CELSR3: variants seen among roughly 807,000 people sequenced by gnomAD.
CELSR3 encodes cadherin EGF LAG seven-pass G-type receptor 3.
In CELSR3, 73 loss-of-function variants were observed where a neutral mutation model predicts 270.0. That is an observed-to-expected ratio of 0.27 (90% CI 0.22 to 0.33). The LOEUF is 0.33. Ranked by LOEUF, CELSR3 falls within the 10% of genes least tolerant of loss-of-function variation. The probability of loss-of-function intolerance (pLI) is 1.00; values close to 1 mark genes in which losing one functional copy is unlikely to be tolerated. For missense variants in CELSR3, 3,614 were observed against 4,533.8 expected (o/e 0.80, Z 5.83); for synonymous variants, 1,780 against 1,905.4 (o/e 0.93, Z 1.71).
chr3:48,660,780 G>T lies in CELSR3; in HGVS notation c.1855C>A (p.Arg619Ser), dbSNP rs776080561. Residue 619 changes from arginine (R) to serine (S), a missense_variant, in exon 1 of 35, where the codon CGC becomes AGC. Arg to Ser is a moderately radical substitution (Grantham distance 110). This residue lies in a region of CELSR3 where 354 missense variants were observed against 500.9 expected (regional missense o/e 0.71). Transcript: ENST00000164024. The surrounding 1 kb of genome is among the most constrained non-coding windows in gnomAD (Gnocchi z 5.5). ...DFEAEREYAL[R>S]IRAQDAGRPP... Reference sequence around the variant, plus strand: ...CGGCCAGCATCCTGCGCCCTGATGCGCAAGGCATACTCTCTCTCTGCCTCG... The same window carrying T: ...CGGCCAGCATCCTGCGCCCTGATGCTCAAGGCATACTCTCTCTCTGCCTCG... 1 of 1,613,960 alleles carries T rather than the reference G, an allele frequency of 6.2e-7. No homozygotes were observed. Among genetic ancestry groups the T allele is most frequent in the Non-Finnish European group, 8.5e-7 (1 of 1,180,032 alleles).
At position 48,642,488 on chromosome 3, in the gene CELSR3, C is replaced by G; in HGVS notation, c.8556-21G>C. 3 of 1,607,106 alleles carry G rather than the reference C, an allele frequency of 1.9e-6. No homozygotes were observed. The highest frequency in any genetic ancestry group is 2.5e-6 in the Non-Finnish European group (3 of 1,176,786). On this transcript the variant is annotated intron_variant, in intron 30 of 34. Coordinates refer to ENST00000164024, the MANE Select transcript of CELSR3 (RefSeq NM_001407.3). The surrounding 1 kb of genome is among the most constrained non-coding windows in gnomAD (Gnocchi z 6.1). ...TGTCCCTGGAAAAGCAGGAGCCCCC[C>G]CACCATGAAAGAGGGATGTGATGGG...
rs1320715022 is a variant in CELSR3 at position 48,650,157 on chromosome 3, C to T, written c.6472+323G>A. 1 of 496,704 alleles carries T rather than the reference C, an allele frequency of 2.0e-6. No homozygotes were observed. Among genetic ancestry groups the T allele is most frequent in the East Asian group, 5.6e-5 (1 of 17,844 alleles). 30.8% of individuals were successfully genotyped at this position (496,704 alleles called of 1,614,324 possible). On this transcript the variant is annotated intron_variant, in intron 16 of 34. Coordinates refer to ENST00000164024, the MANE Select transcript of CELSR3 (RefSeq NM_001407.3). This position sits in a 1 kb window ranked among gnomAD's most constrained non-coding sequence, Gnocchi z 5.1. ...GGGTACTCAGATAGCCAGAAGGGGC[C>T]TGCAGGGACTTTAGGCAGCAGGGAG... is the stretch of plus-strand genomic sequence containing the variant.
Position 48,650,800 on chromosome 3 carries a change from G to A in CELSR3, c.6370+92C>T. 7.1e-7 allele frequency: 1 copy of A among 1,400,886 alleles called. No individual in the cohort carries two copies. 86.8% of individuals were successfully genotyped at this position (1,400,886 alleles called of 1,614,324 possible). ...TGGTCTCCCTCAGGAGAAGCTTCCA[G>A]AGTCCCCAAGGAGCCATGTGTGCCA... On this transcript the variant is annotated intron_variant, in intron 15 of 34. Coordinates refer to ENST00000164024, the MANE Select transcript of CELSR3 (RefSeq NM_001407.3). The surrounding 1 kb of genome is among the most constrained non-coding windows in gnomAD (Gnocchi z 5.1).
chr3:48,652,475 C>T lies in CELSR3; in HGVS notation c.5713G>A (p.Ala1905Thr). 6.2e-7 allele frequency: 1 copy of T among 1,613,890 alleles called. No homozygotes were observed. Among genetic ancestry groups the T allele is most frequent in the South Asian group, 1.1e-5 (1 of 91,082 alleles). The change falls in exon 11 of 35, where the codon GCA (alanine) becomes ACA (threonine). Residue 1905 changes from alanine to threonine, a missense_variant. Physicochemically the swap from Ala to Thr is moderately conservative, Grantham distance 58. Transcript: ENST00000164024. The surrounding 1 kb of genome is among the most constrained non-coding windows in gnomAD (Gnocchi z 4.3). ...ACCAGACCCTGAGGAGCCTCCTCTGCACTGCCGGGGGGCAGGCCTCCCACG... is the reference window on the plus strand; with the variant it reads ...ACCAGACCCTGAGGAGCCTCCTCTGTACTGCCGGGGGGCAGGCCTCCCACG... ...LHVGGLPPGSAEEAPQGLVGC... is the reference protein window; with the variant it reads ...LHVGGLPPGSTEEAPQGLVGC...
At position 48,645,300 on chromosome 3, in the gene CELSR3, A is replaced by G; in HGVS notation, c.7798-91T>C. The G allele has an allele frequency of 2.0e-6, 3 of 1,530,760 alleles. No homozygotes were observed. Among genetic ancestry groups the G allele is most frequent in the Admixed American group, 1.9e-5 (1 of 53,218 alleles). The allele number at this position is 1,530,760 out of a possible 1,614,324, so 94.8% of individuals were successfully genotyped here. Reference sequence around the variant, plus strand: ...TCTGCTTCCCACCTCTCACCCCTAAACCACAATATCTTACCCCAGCATCCT... The same window carrying G: ...TCTGCTTCCCACCTCTCACCCCTAAGCCACAATATCTTACCCCAGCATCCT... On this transcript the variant is annotated intron_variant, in intron 24 of 34. Transcript: ENST00000164024. This position sits in a 1 kb window ranked among gnomAD's most constrained non-coding sequence, Gnocchi z 5.4.
chr3:48,643,790 C>T, intron 27 of CELSR3, 113 bp from the exon 28 acceptor site: 2 of 1,289,866 alleles, frequency 1.6e-6, no homozygotes, highest in Non-Finnish European at 2.1e-6. Flanking sequence ...AAAAAAGGAA[C>T]TCACACGGGA....
In CELSR3 at chr3:48,645,079, C is replaced by T. The variant is rs143560173; in HGVS notation, c.7928G>A (p.Arg2643His). 1.1e-5 allele frequency: 18 copies of T among 1,600,270 alleles called. No individual in the cohort carries two copies. The highest frequency in any genetic ancestry group is 2.2e-5 in the South Asian group (2 of 90,408). The stretch of plus-strand genomic sequence containing the variant: ...GCCCCAGCCCAGGGCATGGTAGAAG[C>T]GCATGGCGCCGCGGTCCACGTTGCG... ...EPRNVDRGAM[R>H]FYHALGWGVP... is the part of the protein sequence containing the mutation. The change falls in exon 25 of 35, where the codon CGC becomes CAC. Residue 2643 changes from arginine to histidine, a missense_variant. Arg to His is a conservative substitution (Grantham distance 29). Around this residue, in one of 7 missense-constraint regions of CELSR3, gnomAD observed 1,240 missense variants for 1,351.7 expected, o/e 0.92. Coordinates refer to ENST00000164024, the MANE Select transcript of CELSR3 (RefSeq NM_001407.3). The surrounding 1 kb of genome is among the most constrained non-coding windows in gnomAD (Gnocchi z 5.4).
rs140878382 is a variant in CELSR3 at position 48,659,715 on chromosome 3, C to A, written c.2920G>T (p.Ala974Ser). 3.4e-4 allele frequency: 547 copies of A among 1,614,226 alleles called. 1 individual carries two copies. Among genetic ancestry groups the A allele is most frequent in the Non-Finnish European group, 4.4e-4 (523 of 1,180,040 alleles). ...SHYTGLVSED[A>S]PPFTSVLQIS... Reference sequence around the variant, plus strand: ...TGCAGGACACTGGTGAAAGGTGGGGCATCCTCAGAGACCAGCCCTGTATAG... The same window carrying A: ...TGCAGGACACTGGTGAAAGGTGGGGAATCCTCAGAGACCAGCCCTGTATAG... Residue 974 changes from alanine (A) to serine (S), a missense_variant, in exon 1 of 35, where the codon GCC (alanine) becomes TCC (serine). By Grantham distance (99) the Ala-to-Ser change is moderately conservative (BLOSUM62 1). Coordinates refer to ENST00000164024, the MANE Select transcript of CELSR3 (RefSeq NM_001407.3). The surrounding 1 kb of genome is among the most constrained non-coding windows in gnomAD (Gnocchi z 8.1).
rs749357915 is a variant in CELSR3 at position 48,647,825 on chromosome 3, C to T, written c.7129+16G>A. On this transcript the variant is annotated intron_variant, in intron 20 of 34. Coordinates refer to ENST00000164024, the MANE Select transcript of CELSR3 (RefSeq NM_001407.3). ...AGAGACAGGACTTGGCCCAGGGGTC[C>T]CCTAGGGGCTCTCACCTTCAGATGG... 6 of 1,605,562 alleles carry T rather than the reference C, an allele frequency of 3.7e-6. No individual in the cohort carries two copies. The highest frequency in any genetic ancestry group is 3.3e-5 in the Admixed American group (2 of 59,870).
At position 48,662,400 on chromosome 3, in the gene CELSR3, C is replaced by G; in HGVS notation, c.235G>C (p.Gly79Arg). 6.2e-7 allele frequency: 1 copy of G among 1,612,900 alleles called. No homozygotes were observed. The highest frequency in any genetic ancestry group is 8.5e-7 in the Non-Finnish European group (1 of 1,179,948). Residue 79 changes from glycine to arginine, a missense_variant, in exon 1 of 35, where the codon GGG (glycine) becomes CGG (arginine). Gly to Arg is a moderately radical substitution (Grantham distance 125). Transcript: ENST00000164024. The surrounding 1 kb of genome is among the most constrained non-coding windows in gnomAD (Gnocchi z 7.1). ...GVREDGGPGL[G>R]VREPIFVGLR... ...CCCACGAAGATAGGCTCCCTGACCC[C>G]CAGGCCAGGCCCCCCATCCTCCCGG...
rs563870524 is a variant in CELSR3 at position 48,640,861 on chromosome 3, C to G, written c.9026-302G>C. 42 of 492,584 alleles carry G rather than the reference C, an allele frequency of 8.5e-5. No homozygotes were observed. Among genetic ancestry groups the G allele is most frequent in the African/African-American group, 7.4e-4 (38 of 51,474 alleles). The allele number at this position is 492,584 out of a possible 1,614,324, so 30.5% of individuals were successfully genotyped here. A position where few individuals can be genotyped will look rare whatever the true frequency, so the allele number is the denominator to read the frequency against. The stretch of plus-strand genomic sequence containing the variant: ...TCAGAAGAGGGGCAGCCCTCAGGTC[C>G]TGACAATGCAGGCCTGGCTGAAATG... On this transcript the variant is annotated intron_variant, in intron 33 of 34. Coordinates refer to ENST00000164024, the MANE Select transcript of CELSR3 (RefSeq NM_001407.3). This position sits in a 1 kb window ranked among gnomAD's most constrained non-coding sequence, Gnocchi z 7.5.
chr3:48,642,156 G>T lies in CELSR3; in HGVS notation c.8666-147C>A. The T allele has an allele frequency of 1.1e-6, 1 of 890,966 alleles. No homozygotes were observed. The highest frequency in any genetic ancestry group is 1.7e-6 in the Non-Finnish European group (1 of 599,542). 55.2% of individuals were successfully genotyped at this position (890,966 alleles called of 1,614,324 possible). On this transcript the variant is annotated intron_variant, in intron 31 of 34. Transcript: ENST00000164024. This position sits in a 1 kb window ranked among gnomAD's most constrained non-coding sequence, Gnocchi z 6.1. ...CTTGAAGTGGAGGTAGCAGCAGAAG[G>T]GCTGGGACTTATCAGAGGGAAGGAC...
Position 48,639,335 on chromosome 3 carries a change from C to CT in CELSR3, c.9911+338dup, listed in dbSNP as rs1024770176. On this transcript the variant is annotated intron_variant, in intron 34 of 34. Transcript: ENST00000164024. The surrounding 1 kb of genome is among the most constrained non-coding windows in gnomAD (Gnocchi z 4.1). ...AGGCCTCCTGCTCTCCTCCCTGCCC[C>CT]TTGCATATTCCAGGTCATCTCCCAC... Among the ~76,000 whole-genome samples, 6 of 152,254 alleles carry CT rather than the reference C, an allele frequency of 3.9e-5. No homozygotes were observed. Among genetic ancestry groups the CT allele is most frequent in the African/African-American group, 1.2e-4 (5 of 41,460 alleles).
Position 48,653,743 on chromosome 3 carries a change from C to T in CELSR3, c.5324G>A (p.Trp1775Ter). The change falls in exon 9 of 35, where the codon TGG becomes TAG. Residue 1775 changes from tryptophan to a stop codon, truncating the protein, a stop_gained. Coordinates refer to ENST00000164024, the MANE Select transcript of CELSR3 (RefSeq NM_001407.3). LOFTEE classifies it high-confidence loss of function. The surrounding 1 kb of genome is among the most constrained non-coding windows in gnomAD (Gnocchi z 6.5). ...CACAGCCATGTCACTTCCAAAGTTC[C>T]AGCTCAGTGTGCCGTTGCCACGGAA... is the stretch of plus-strand genomic sequence containing the variant. ...HHFRGNGTLS[W>*]NFGSDMAVSV... 1 of 1,614,188 alleles carries T rather than the reference C, an allele frequency of 6.2e-7. No individual in the cohort carries two copies. The highest frequency in any genetic ancestry group is 8.5e-7 in the Non-Finnish European group (1 of 1,180,034).
chr3:48,650,220 A>C lies in CELSR3; in HGVS notation c.6472+260T>G. On this transcript the variant is annotated intron_variant, in intron 16 of 34. Transcript: ENST00000164024. The surrounding 1 kb of genome is among the most constrained non-coding windows in gnomAD (Gnocchi z 5.1). ...ACCTCAGGCAGCAGGAGGGGTCTGC[A>C]AAAGCTCTGGTAGTGGGAGGGGGCA... is the stretch of plus-strand genomic sequence containing the variant. The C allele has an allele frequency of 1.7e-6, 1 of 598,928 alleles. No homozygotes were observed. The highest frequency in any genetic ancestry group is 2.1e-5 in the Admixed American group (1 of 46,656). 37.1% of individuals were successfully genotyped at this position (598,928 alleles called of 1,614,324 possible).
rs1336984539 is a variant in CELSR3, at chr3:48,642,287, TG to T, written c.8665+70del. 3 of 1,499,662 alleles carry T rather than the reference TG, an allele frequency of 2.0e-6. No homozygotes were observed. In the African/African-American group the frequency reaches 4.2e-5, roughly 21 times the overall value. 92.9% of individuals were successfully genotyped at this position (1,499,662 alleles called of 1,614,324 possible). A position where few individuals can be genotyped will look rare whatever the true frequency, so the allele number is the denominator to read the frequency against. The stretch of plus-strand genomic sequence containing the variant: ...CCCCAGTCAGCCACTGCTCCCAGTA[TG>T]GGGTAGAAGAAAAGGGGATGGGGAG... On this transcript the variant is annotated intron_variant, in intron 31 of 34. Coordinates refer to ENST00000164024, the MANE Select transcript of CELSR3 (RefSeq NM_001407.3). The surrounding 1 kb of genome is among the most constrained non-coding windows in gnomAD (Gnocchi z 6.1).
At chr3:48,649,333 A>G in intron 16 of CELSR3, 118 bp from the exon 17 acceptor site, 2 of 850,218 alleles carry the variant, frequency 2.4e-6, no homozygotes, top group Non-Finnish European at 3.7e-6. Flanking sequence ...AGTCATGAGC[A>G]TCTATAGCTG....
rs1027095177 is a variant in CELSR3 at position 48,640,063 on chromosome 3, CAG to C, written c.9520_9521del (p.Leu3174ValfsTer22). Reference protein sequence around the residue: ...DLDPQPPPLPLSPQRQLSRDP... With the variant: ...DLDPQPPPLPXSPQRQLSRDP... ...CCCTTGAGAGTTGCCGCTGGGGAGACAGGGGCAGAGGTGGGGGCTGTGGGTCA... is the reference window on the plus strand; with the variant it reads ...CCCTTGAGAGTTGCCGCTGGGGAGACGGGCAGAGGTGGGGGCTGTGGGTCA... On this transcript the variant is annotated frameshift_variant, in exon 34 of 35. Coordinates refer to ENST00000164024, the MANE Select transcript of CELSR3 (RefSeq NM_001407.3). LOFTEE classifies it high-confidence loss of function. This position sits in a 1 kb window ranked among gnomAD's most constrained non-coding sequence, Gnocchi z 7.5. 1.2e-5 allele frequency: 19 copies of C among 1,610,576 alleles called. No individual in the cohort carries two copies. The highest frequency in any genetic ancestry group is 5.0e-5 in the Admixed American group (3 of 59,932).
In CELSR3 at chr3:48,656,710, G is replaced by T. The variant is rs757965107; in HGVS notation, c.4387C>A (p.Pro1463Thr). 8 of 1,492,846 alleles carry T rather than the reference G, an allele frequency of 5.4e-6. No homozygotes were observed. In the South Asian group the frequency reaches 9.5e-5, roughly 18 times the overall value. 92.5% of individuals were successfully genotyped at this position (1,492,846 alleles called of 1,614,324 possible). A position where few individuals can be genotyped will look rare whatever the true frequency, so the allele number is the denominator to read the frequency against. Residue 1463 changes from proline (P) to threonine (T), a missense_variant, in exon 2 of 35, where the codon CCG (proline) becomes ACG (threonine). Around this residue, in one of 7 missense-constraint regions of CELSR3, gnomAD observed 1,331 missense variants for 1,933.7 expected, o/e 0.69. Coordinates refer to ENST00000164024, the MANE Select transcript of CELSR3 (RefSeq NM_001407.3). Reference sequence around the variant, plus strand: ...GCGCCCTGCTCACCGGTGAAGCGCGGGCGGCAGACGCACGTGTAGCCTCCC... The same window carrying T: ...GCGCCCTGCTCACCGGTGAAGCGCGTGCGGCAGACGCACGTGTAGCCTCCC... ...REGGYTCVCR[P>T]RFTGEDCELD...
Sources: gnomAD v4.1 joint callset for allele counts (sites outside exome capture counted in the v4.1 genomes callset) on GRCh38, gnomAD v4.1.1 for gene constraint, gnomAD v4.1.1 regional missense constraint, Gnocchi (gnomAD v3.1) non-coding constraint, MANE v1.5 for transcripts, NCBI Gene and HGNC (gene_info 2026-07-23, HGNC 2026-07-21) for gene names.